DHX57: variants seen among roughly 807,000 people sequenced by gnomAD.
DHX57 encodes DExH-box helicase 57, also known as putative ATP-dependent RNA helicase DHX57.
DHX57 carries 105 observed loss-of-function variants against 156.2 expected under a neutral mutation model. That is an observed-to-expected ratio of 0.67 (90% CI 0.57 to 0.79). DHX57 has a LOEUF of 0.79. DHX57 is among the 30% of genes least tolerant of loss of function. DHX57 has a pLI of 0.00. For synonymous variants in DHX57, 704 were observed against 595.6 expected, an observed-to-expected ratio of 1.18 and a Z score of -2.65; for missense variants, 1,847 against 1,661.9, an observed-to-expected ratio of 1.11 and a Z score of -1.94.
intron 14 of DHX57, among the ~76,000 whole-genome samples, chr2:38,828,075 C>A (rs1356879994): frequency 6.6e-6 from 1 of 152,156 alleles, no homozygotes; most frequent in Non-Finnish European, 1.5e-5. Context: ...AGGCTGGTCT[C>A]CAACTCCTGA....
intron 5 of DHX57, among the ~76,000 whole-genome samples, chr2:38,860,716 G>A (rs377518657): frequency 9.2e-4 from 140 of 152,262 alleles, no homozygotes; most frequent in Admixed American, 1.9e-3. Context: ...TTCTGAGAAC[G>A]TACCTTAAGG....
At chr2:38,856,061 A>G (rs1342675462) in intron 7 of DHX57, among the ~76,000 whole-genome samples, 1 of 152,192 alleles carries the variant, frequency 6.6e-6, no homozygotes, top group Non-Finnish European at 1.5e-5. Context: ...CAGTGAGCCG[A>G]GATCATGCCA....
rs117516604 is a variant in DHX57 at position 38,865,336 on chromosome 2, C to T, written c.225-1817G>A. On this transcript the variant is annotated intron_variant, in intron 2 of 23. Transcript: ENST00000457308. ...GATAGTGAGTAACTTCTCACGAGATCTGATGGTTTTATAAGGGGTGTCCCC... is the reference window on the plus strand; with the variant it reads ...GATAGTGAGTAACTTCTCACGAGATTTGATGGTTTTATAAGGGGTGTCCCC... Among the ~76,000 whole-genome samples, 18 of 152,260 alleles carry T rather than the reference C, an allele frequency of 1.2e-4. No homozygotes were observed. In the East Asian group the frequency reaches 2.9e-3, roughly 25 times the overall value.
Position 38,861,807 on chromosome 2 carries a change from C to G in DHX57, c.603G>C (p.Ala201=), listed in dbSNP as rs747041632. 1 of 1,611,086 alleles carries G rather than the reference C, an allele frequency of 6.2e-7. No individual in the cohort carries two copies. The highest frequency in any genetic ancestry group is 1.1e-5 in the South Asian group (1 of 90,628). Reference sequence around the variant, plus strand: ...CATCTCCATCACACATCCTCAGGACCGCTTGACAGCGTTCAGTATTGAAAC... The same window carrying G: ...CATCTCCATCACACATCCTCAGGACGGCTTGACAGCGTTCAGTATTGAAAC... The part of the protein sequence containing the change: ...RYGFNTERCQ[A]VLRMCDGDVG... The change falls in exon 5 of 24, where the codon GCG becomes GCC. Residue 201 remains alanine (A), a synonymous_variant. Coordinates refer to ENST00000457308, the MANE Select transcript of DHX57 (RefSeq NM_198963.3).
chr2:38,861,522 A>C lies in DHX57; in HGVS notation c.888T>G (p.Asn296Lys). ...RKSKPKESTK[N>K]VQENSLEICK... ...AGATTTCAAGTGAATTCTCTTGTAC[A>C]TTTTTGGTACTTTCTTTTGGCTTGG... The change falls in exon 5 of 24, where the codon AAT becomes AAG. Residue 296 changes from asparagine (N) to lysine (K), a missense_variant. Coordinates refer to ENST00000457308, the MANE Select transcript of DHX57 (RefSeq NM_198963.3). 6.2e-7 allele frequency: 1 copy of C among 1,614,072 alleles called. No individual in the cohort carries two copies. The highest frequency in any genetic ancestry group is 8.5e-7 in the Non-Finnish European group (1 of 1,180,010).
chr2:38,868,538 G>A, intron 1 of DHX57, 127 bp from the exon 2 acceptor site: 2 of 966,862 alleles, frequency 2.1e-6, no homozygotes, highest in South Asian at 1.8e-5. Context: ...AAAAAGAGCT[G>A]GTCTTGGGGC....
At chr2:38,857,994 A>G (rs1219355622) in intron 6 of DHX57, among the ~76,000 whole-genome samples, 1 of 152,230 alleles carries the variant, frequency 6.6e-6, no homozygotes. Context: ...CAGCCTTCCA[A>G]GTAGCTGAGA....
At chr2:38,818,613 A>G (rs996844533) in intron 19 of DHX57, among the ~76,000 whole-genome samples, 22 of 152,182 alleles carry the variant, frequency 1.4e-4, no homozygotes, top group Admixed American at 1.1e-3. Flanking sequence ...GTAAGCAGCA[A>G]TCTTACTGCC....
intron 3 of DHX57, 30 bp downstream of exon 3, chr2:38,863,331 A>T: frequency 6.3e-7 from 1 of 1,596,282 alleles, no homozygotes; most frequent in Non-Finnish European, 8.5e-7. Context: ...TTTCCTTAAT[A>T]TAATAATTGA....
chr2:38,850,571 T>C lies in DHX57; in HGVS notation c.2031-2169A>G, dbSNP rs143518078. On this transcript the variant is annotated intron_variant, in intron 9 of 23. Transcript: ENST00000457308. ...TAATCAGTAATCCCAGAATGGAAGG[T>C]CTGTAGGTGTGAGCCACTGCACCTG... Among the ~76,000 whole-genome samples, 464 of 151,796 alleles carry C rather than the reference T, an allele frequency of 3.1e-3. 5 individuals are homozygous for C. The highest frequency in any genetic ancestry group is 0.01 in the African/African-American group (423 of 41,440).
chr2:38,806,762 C>T, intron 21 of DHX57, 69 bp from the exon 22 acceptor site: 1 of 1,467,482 alleles, frequency 6.8e-7, no homozygotes, highest in Non-Finnish European at 9.2e-7. Context: ...TCTCTTGGCA[C>T]AAAAGCACAA....
intron 6 of DHX57, 188 bp from the exon 7 acceptor site, chr2:38,856,649 G>A (rs1672916085): frequency 6.5e-6 from 4 of 612,312 alleles, no homozygotes; most frequent in Non-Finnish European, 1.0e-5. Flanking sequence ...GACTACAGGT[G>A]TGTGCCACTA....
At chr2:38,826,811 T>C (rs1466676223) in intron 14 of DHX57, 122 bp from the exon 15 acceptor site, 1 of 1,062,004 alleles carries the variant, frequency 9.4e-7, no homozygotes, top group Non-Finnish European at 1.3e-6. Flanking sequence ...CTCCACAACC[T>C]GTCCTCAGAG....
chr2:38,815,382 G>T lies in DHX57; in HGVS notation c.3606+139C>A, dbSNP rs560951933. 4 of 1,142,296 alleles carry T rather than the reference G, an allele frequency of 3.5e-6. No homozygotes were observed. The African/African-American group carries it at 4.6e-5, about 13-fold the overall frequency. The allele number at this position is 1,142,296 out of a possible 1,614,324, so 70.8% of individuals were successfully genotyped here. Reference sequence around the variant, plus strand: ...GCCAGATCAGCTGATATTTATTTGTGCGAAGCAGAAAATCAAGAATGCCAT... The same window carrying T: ...GCCAGATCAGCTGATATTTATTTGTTCGAAGCAGAAAATCAAGAATGCCAT... On this transcript the variant is annotated intron_variant, in intron 20 of 23. Transcript: ENST00000457308.
chr2:38,839,338 T>C (rs1369289119), intron 12 of DHX57, among the ~76,000 whole-genome samples: 1 of 151,950 alleles, frequency 6.6e-6, no homozygotes, highest in African/African-American at 2.4e-5. Flanking sequence ...CTAACTACAG[T>C]CTAACTGGAA....
At chr2:38,841,849 T>C (rs555783159) in intron 12 of DHX57, among the ~76,000 whole-genome samples, 2 of 152,306 alleles carry the variant, frequency 1.3e-5, no homozygotes, top group South Asian at 2.1e-4. Flanking sequence ...GAGTCTGGCA[T>C]GGGAGGAGGA....
At chr2:38,825,404 G>C (rs187057596) in intron 16 of DHX57, among the ~76,000 whole-genome samples, 111 of 152,322 alleles carry the variant, frequency 7.3e-4, no homozygotes, top group African/African-American at 2.4e-3. Context: ...CTGGGTTCAA[G>C]AGATTCTCCT....
intron 21 of DHX57, among the ~76,000 whole-genome samples, chr2:38,810,159 T>C (rs1238128517): frequency 2.6e-5 from 4 of 151,786 alleles, no homozygotes; most frequent in Admixed American, 1.3e-4. Flanking sequence ...TCTCCCAAAG[T>C]GCAGGGATTA....
At chr2:38,838,719 G>C in intron 12 of DHX57, 2 of 448,636 alleles carry the variant, frequency 4.5e-6, no homozygotes, top group South Asian at 3.2e-5. Context: ...TTTTATAACA[G>C]TGACTCGCTG....
Sources: allele counts gnomAD v4.1 joint callset (sites outside exome capture counted in the v4.1 genomes callset), GRCh38; gene constraint gnomAD v4.1.1; transcripts MANE v1.5; gene names NCBI Gene and HGNC (gene_info 2026-07-23, HGNC 2026-07-21).